DPP6: variants seen among roughly 807,000 people sequenced by gnomAD.
The protein encoded by DPP6 is A-type potassium channel modulatory protein DPP6.
Under a neutral mutation model 122.6 loss-of-function variants are expected in DPP6, and 69 were observed. The ratio of observed to expected loss-of-function variants is 0.56; its 90% CI spans 0.46 to 0.69. DPP6 has a LOEUF of 0.69. Among genes scored for constraint, DPP6 ranks in the 30% least tolerant of loss-of-function variants. DPP6 has a pLI of 0.00. For synonymous variants in DPP6, 418 were observed against 433.1 expected, an observed-to-expected ratio of 0.97 and a Z score of 0.43; for missense variants, 928 against 1,116.9, an observed-to-expected ratio of 0.83 and a Z score of 2.41.
intron 6 of DPP6, among the ~76,000 whole-genome samples, chr7:154,647,131 G>A (rs1335087596): frequency 6.6e-6 from 1 of 152,144 alleles, no homozygotes; most frequent in Non-Finnish European, 1.5e-5. Context: ...ATGAATTAAG[G>A]AACTAAGCCA....
At chr7:153,951,822 C>T (rs557834844) in intron 1 of DPP6, among the ~76,000 whole-genome samples, 20 of 152,228 alleles carry the variant, frequency 1.3e-4, no homozygotes, top group African/African-American at 4.6e-4. Context: ...GTGTGGGGAT[C>T]ACCTGAGCTC....
chr7:154,096,889 A>G (rs545647558), intron 1 of DPP6, among the ~76,000 whole-genome samples: 2 of 152,370 alleles, frequency 1.3e-5, no homozygotes, highest in South Asian at 2.1e-4. Context: ...AACGTGATTT[A>G]TATTTTTAGA....
intron 6 of DPP6, among the ~76,000 whole-genome samples, chr7:154,650,933 G>A (rs899798491): frequency 1.3e-5 from 2 of 152,082 alleles, no homozygotes; most frequent in African/African-American, 4.8e-5. Flanking sequence ...AGACAACCAA[G>A]GTCCCAATTT....
At chr7:154,640,976 G>A (rs1009158180) in intron 6 of DPP6, among the ~76,000 whole-genome samples, 8 of 151,924 alleles carry the variant, frequency 5.3e-5, no homozygotes, top group Non-Finnish European at 1.2e-4. Flanking sequence ...CTTAGCTTCA[G>A]TCTTTGCAAC....
chr7:153,762,285 G>A, the DPP6 span, among the ~76,000 whole-genome samples: 1 of 152,142 alleles, frequency 6.6e-6, no homozygotes, highest in East Asian at 1.9e-4. Context: ...AAAAGCCTGA[G>A]AAATCATAAA....
At chr7:154,517,490 T>C (rs1474527525) in intron 3 of DPP6, among the ~76,000 whole-genome samples, 2 of 152,084 alleles carry the variant, frequency 1.3e-5, no homozygotes, top group Non-Finnish European at 2.9e-5. Context: ...GAACTCATGG[T>C]TCATAAAGTC....
the DPP6 span, among the ~76,000 whole-genome samples, chr7:153,839,572 G>C: frequency 6.6e-6 from 1 of 152,168 alleles, no homozygotes; most frequent in Non-Finnish European, 1.5e-5. Context: ...CACTGGGCAG[G>C]CTCCTTTCTG....
chr7:154,150,997 T>A (rs1185124364), intron 1 of DPP6, among the ~76,000 whole-genome samples: 1 of 152,194 alleles, frequency 6.6e-6, no homozygotes, highest in East Asian at 1.9e-4. Flanking sequence ...CTCCGTGATC[T>A]TGTCTGCAAT....
chr7:154,816,257 T>C (rs917382676), intron 16 of DPP6, among the ~76,000 whole-genome samples: 8 of 152,166 alleles, frequency 5.3e-5, no homozygotes, highest in African/African-American at 1.9e-4. Context: ...CTGAAAATAT[T>C]ATAAACAATA....
intron 1 of DPP6, among the ~76,000 whole-genome samples, chr7:154,063,082 T>A (rs1285588673): frequency 8.0e-6 from 1 of 125,370 alleles, no homozygotes; most frequent in African/African-American, 2.9e-5. Context: ...AGCTATCCCC[T>A]CTTCCGCCCC....
intron 1 of DPP6, among the ~76,000 whole-genome samples, chr7:154,394,679 T>C (rs1388127557): frequency 6.6e-6 from 1 of 152,172 alleles, no homozygotes; most frequent in Non-Finnish European, 1.5e-5. Context: ...CCAAATGTCA[T>C]GAAGTTTTGC....
intron 1 of DPP6, among the ~76,000 whole-genome samples, chr7:154,338,817 C>T (rs775509773): frequency 7.9e-5 from 12 of 152,172 alleles, no homozygotes; most frequent in African/African-American, 2.7e-4. Flanking sequence ...CTCTCTTCCT[C>T]GCCTTTTTTC....
chr7:154,053,188 T>A (rs1304740111), intron 1 of DPP6, 125 bp downstream of exon 1: 6 of 875,046 alleles, frequency 6.9e-6, no homozygotes, highest in African/African-American at 5.6e-5. Flanking sequence ...CCCACGACTC[T>A]CCGGGCGCCC....
chr7:153,993,697 C>T (rs1311391831), intron 1 of DPP6, among the ~76,000 whole-genome samples: 1 of 152,178 alleles, frequency 6.6e-6, no homozygotes, highest in African/African-American at 2.4e-5. Flanking sequence ...AGTTATATCA[C>T]CTCAATGATC....
the DPP6 span, among the ~76,000 whole-genome samples, chr7:153,812,595 T>G: frequency 6.6e-6 from 1 of 152,126 alleles, no homozygotes; most frequent in East Asian, 1.9e-4. Flanking sequence ...CTCAAAAATT[T>G]ATTTTTCAGA....
intron 1 of DPP6, among the ~76,000 whole-genome samples, chr7:154,280,129 A>C (rs1804405919): frequency 6.6e-6 from 1 of 152,232 alleles, no homozygotes; most frequent in Non-Finnish European, 1.5e-5. Flanking sequence ...TCTGAAATTC[A>C]TGAAAGTGTA....
chr7:154,006,401 T>G (rs1318579603), intron 1 of DPP6, among the ~76,000 whole-genome samples: 1 of 152,030 alleles, frequency 6.6e-6, no homozygotes, highest in Non-Finnish European at 1.5e-5. Flanking sequence ...GAAATAGATT[T>G]CACTCTGGGT....
chr7:154,733,403 G>A (rs1468450629), intron 8 of DPP6, among the ~76,000 whole-genome samples: 1 of 152,232 alleles, frequency 6.6e-6, no homozygotes. Flanking sequence ...TGTGTGTCCT[G>A]CTCATGTCTA....
In DPP6 at chr7:154,513,659, C is replaced by T. The variant is rs1244163661; in HGVS notation, c.458-26873C>T. Among the ~76,000 whole-genome samples, 2 of 152,260 alleles carry T rather than the reference C, an allele frequency of 1.3e-5. 1 individual carries two copies. Among genetic ancestry groups the T allele is most frequent in the Middle Eastern group, 6.8e-3 (2 of 294 alleles). ...TGGGAAACATGGGAAAATTTTCACA[C>T]CACCCAAAGCCCTGCACTGATTCCA... On this transcript the variant is annotated intron_variant, in intron 3 of 25. Transcript: ENST00000377770.
Sources: gnomAD v4.1 joint callset for allele counts (sites outside exome capture counted in the v4.1 genomes callset) on GRCh38, gnomAD v4.1.1 for gene constraint, MANE v1.5 for transcripts, NCBI Gene and HGNC (gene_info 2026-07-23, HGNC 2026-07-21) for gene names.